Variants in WDR76 observed in about 807,000 individuals in gnomAD.
The protein encoded by WDR76 is WD repeat domain 76.
Under a neutral mutation model 70.2 loss-of-function variants are expected in WDR76, and 52 were observed. That is an observed-to-expected ratio of 0.74 (90% confidence interval 0.59 to 0.93). WDR76 has a LOEUF of 0.93. Ranked by LOEUF, WDR76 falls within the 40% of genes least tolerant of loss-of-function variation. The pLI is 0.00. For missense variants in WDR76, 756 were observed against 760.2 expected (o/e 0.99, Z 0.07); for synonymous variants, 292 against 271.1 (o/e 1.08, Z -0.76).
intron 9 of WDR76, among the ~76,000 whole-genome samples, chr15:43,856,158 T>G (rs1465148896): frequency 6.6e-6 from 1 of 152,150 alleles, no homozygotes; most frequent in African/African-American, 2.4e-5. Context: ...AAAATAGAGG[T>G]GGATCATCAT....
chr15:43,848,669 A>G (rs1473210326), intron 8 of WDR76, among the ~76,000 whole-genome samples: 1 of 152,200 alleles, frequency 6.6e-6, no homozygotes, highest in African/African-American at 2.4e-5. Context: ...GGCCGGGCGC[A>G]GTGGCTCATG....
chr15:43,865,041 C>T (rs1472896813), intron 12 of WDR76, among the ~76,000 whole-genome samples: 1 of 152,222 alleles, frequency 6.6e-6, no homozygotes, highest in Non-Finnish European at 1.5e-5. Flanking sequence ...TCTGCCTCAG[C>T]CTCCCCAGTA....
At chr15:43,841,840 T>G (rs552527470) in intron 5 of WDR76, among the ~76,000 whole-genome samples, 1 of 152,252 alleles carries the variant, frequency 6.6e-6, no homozygotes, top group South Asian at 2.1e-4. Context: ...AGTTAACTCC[T>G]CTTAAGTTTC....
At chr15:43,828,727 G>A (rs1029178674) in intron 2 of WDR76, among the ~76,000 whole-genome samples, 2 of 152,044 alleles carry the variant, frequency 1.3e-5, no homozygotes, top group Non-Finnish European at 2.9e-5. Context: ...GTGGGACATG[G>A]TATTGACTGA....
chr15:43,852,354 G>A (rs2087870562), intron 9 of WDR76, among the ~76,000 whole-genome samples: 1 of 150,426 alleles, frequency 6.6e-6, no homozygotes. Flanking sequence ...CGGGTAATTT[G>A]TTGTTGTTGT....
chr15:43,861,334 A>G lies in WDR76; in HGVS notation c.1564A>G (p.Ile522Val), dbSNP rs1290337636. ...TGTCTTACTCTCTTTATTTTGCAGA[A>G]TTTTTGACAGCAGCTGTATATCTTC... ...VTTCADCNLR[I>V]FDSSCISSKI... Residue 522 changes from isoleucine (I) to valine (V), a missense_variant and splice_region_variant, in exon 12 of 13, where the codon ATT (isoleucine) becomes GTT (valine). Coordinates refer to ENST00000263795, the MANE Select transcript of WDR76 (RefSeq NM_024908.4). 2.1e-5 allele frequency: 34 copies of G among 1,613,774 alleles called. No individual in the cohort carries two copies. The highest frequency in any genetic ancestry group is 2.7e-5 in the Non-Finnish European group (32 of 1,179,902).
intron 2 of WDR76, among the ~76,000 whole-genome samples, chr15:43,833,405 G>T (rs1258414262): frequency 6.9e-5 from 10 of 145,264 alleles, no homozygotes; most frequent in Non-Finnish European, 1.2e-4. Flanking sequence ...TGCAAGCTCC[G>T]CCTCCCGGGT....
chr15:43,862,310 T>A (rs1229627358), intron 12 of WDR76, among the ~76,000 whole-genome samples: 1 of 144,144 alleles, frequency 6.9e-6, no homozygotes, highest in Non-Finnish European at 1.5e-5. Context: ...GGTCCACAAT[T>A]TTTTTTTTTT....
rs114305420 is a variant in WDR76 at position 43,868,089 on chromosome 15, A to G, written c.*1697A>G. On this transcript the variant is annotated 3_prime_UTR_variant, in exon 13 of 13. Transcript: ENST00000263795. ...TAATAGGTTTAGGTGTTTATAAGCA[A>G]TAGTTCTCTATTTTCTAGTTGATAT... The G allele has an allele frequency of 6.6e-6, 1 of 152,358 alleles. No individual in the cohort carries two copies. The highest frequency in any genetic ancestry group is 2.4e-5 in the African/African-American group (1 of 41,596). The allele number at this position is 152,358 out of a possible 1,614,324, so 9.4% of individuals were successfully genotyped here.
chr15:43,859,139 A>G (rs2087966490), intron 11 of WDR76, among the ~76,000 whole-genome samples: 1 of 152,202 alleles, frequency 6.6e-6, no homozygotes, highest in Admixed American at 6.6e-5. Context: ...TAATTTTAGC[A>G]TACTTTGGGG....
chr15:43,865,730 A>T (rs1365206838), intron 12 of WDR76, among the ~76,000 whole-genome samples: 1 of 152,192 alleles, frequency 6.6e-6, no homozygotes, highest in Non-Finnish European at 1.5e-5. Flanking sequence ...TAAAAAATTT[A>T]TGTAGGGTGA....
At chr15:43,865,480 C>T (rs1567194857) in intron 12 of WDR76, among the ~76,000 whole-genome samples, 1 of 152,148 alleles carries the variant, frequency 6.6e-6, no homozygotes, top group East Asian at 1.9e-4. Context: ...ACCATGTTGG[C>T]CAGGCTGTCT....
chr15:43,860,150 C>T (rs191114383), intron 11 of WDR76, among the ~76,000 whole-genome samples: 3 of 152,148 alleles, frequency 2.0e-5, no homozygotes, highest in African/African-American at 7.2e-5. Context: ...GAGGCTGAGG[C>T]GGGAGGATCA....
chr15:43,837,968 C>G (rs2087678252), intron 4 of WDR76, among the ~76,000 whole-genome samples: 1 of 151,304 alleles, frequency 6.6e-6, no homozygotes, highest in Non-Finnish European at 1.5e-5. Flanking sequence ...CTCCACCTCC[C>G]AGGTTCATGC....
chr15:43,857,706 G>T, intron 10 of WDR76: 1 of 172,408 alleles, frequency 5.8e-6, no homozygotes, highest in Non-Finnish European at 1.2e-5. Flanking sequence ...TGTAATCCCA[G>T]GTACTTGGGA....
At chr15:43,846,269 T>C (rs1437582505) in intron 8 of WDR76, among the ~76,000 whole-genome samples, 2 of 133,268 alleles carry the variant, frequency 1.5e-5, no homozygotes, top group African/African-American at 5.0e-5. Flanking sequence ...TGGAGAAGCA[T>C]TGGATAGAGA....
intron 3 of WDR76, 144 bp from the exon 4 acceptor site, chr15:43,836,017 C>T: frequency 3.4e-6 from 2 of 583,796 alleles, no homozygotes; most frequent in South Asian, 4.0e-5. Context: ...TACAGTGGCG[C>T]TGATCATGAC....
At chr15:43,849,234 T>A (rs978761998) in intron 8 of WDR76, among the ~76,000 whole-genome samples, 1 of 151,160 alleles carries the variant, frequency 6.6e-6, no homozygotes, top group Non-Finnish European at 1.5e-5. Context: ...CAAATCAATA[T>A]AAATTATCTA....
At chr15:43,853,994 T>C (rs1242698978) in intron 9 of WDR76, among the ~76,000 whole-genome samples, 1 of 151,382 alleles carries the variant, frequency 6.6e-6, no homozygotes, top group African/African-American at 2.4e-5. Flanking sequence ...ATTAGGGAAA[T>C]GCAAATCACA....
Sources: allele counts gnomAD v4.1 joint callset (sites outside exome capture counted in the v4.1 genomes callset), GRCh38; gene constraint gnomAD v4.1.1; transcripts MANE v1.5; gene names NCBI Gene and HGNC (gene_info 2026-07-23, HGNC 2026-07-21).